The following EBF4 variants were observed in gnomAD, a reference collection of about 807,000 sequenced individuals.
The protein encoded by EBF4 is transcription factor COE4.
EBF4 carries 34 observed loss-of-function variants against 67.1 expected under a neutral mutation model. That is an observed-to-expected ratio of 0.51 (90% CI 0.39 to 0.67). The LOEUF (loss-of-function observed/expected upper bound fraction) is 0.67. EBF4 is among the 30% of genes least tolerant of loss of function. The pLI is 0.00. For missense variants in EBF4, 837 were observed against 873.3 expected (o/e 0.96, Z 0.52); for synonymous variants, 387 against 377.7 (o/e 1.02, Z -0.29).
rs1288667574 is a variant in EBF4 at position 2,745,478 on chromosome 20, G to A, written c.558-3071G>A. Among the ~76,000 whole-genome samples the A allele has an allele frequency of 6.6e-6, 1 of 152,214 alleles. No homozygotes were observed. Among genetic ancestry groups the A allele is most frequent in the Admixed American group, 6.5e-5 (1 of 15,286 alleles). On this transcript the variant is annotated intron_variant, in intron 6 of 16. Transcript: ENST00000609451. This position sits in a 1 kb window ranked among gnomAD's most constrained non-coding sequence, Gnocchi z 5.2. ...ACACTGAGGTGTCCCCATAGACAGA[G>A]GTGCTGGCAGGTCCCTAGGGCTCTC...
intron 6 of EBF4, among the ~76,000 whole-genome samples, chr20:2,748,131 G>A (rs1307050712): frequency 1.3e-5 from 2 of 152,092 alleles, no homozygotes; most frequent in East Asian, 3.9e-4. Context: ...AACATTACAT[G>A]GGGTATGTGT....
intron 6 of EBF4, among the ~76,000 whole-genome samples, chr20:2,724,775 A>C (rs1461729618): frequency 1.3e-5 from 2 of 152,150 alleles, no homozygotes; most frequent in East Asian, 1.9e-4. Flanking sequence ...GTTGTGGTGC[A>C]TGCCTGTAGT....
chr20:2,750,576 C>T (rs1246873784), intron 10 of EBF4, among the ~76,000 whole-genome samples: 1 of 152,144 alleles, frequency 6.6e-6, no homozygotes, highest in Non-Finnish European at 1.5e-5. Context: ...AGCTGAGCCA[C>T]CCACTTCTCC....
intron 6 of EBF4, among the ~76,000 whole-genome samples, chr20:2,715,544 T>C (rs576549792): frequency 6.6e-6 from 1 of 152,308 alleles, no homozygotes; most frequent in African/African-American, 2.4e-5. Flanking sequence ...TGATGTCAAC[T>C]GTTTTCCAAG....
intron 6 of EBF4, among the ~76,000 whole-genome samples, chr20:2,712,872 C>A (rs759592644): frequency 6.6e-6 from 1 of 152,080 alleles, no homozygotes; most frequent in Admixed American, 6.5e-5. Flanking sequence ...TCCAGTGCTG[C>A]TCATGGGTAT....
chr20:2,697,501 C>T (rs1040192488), intron 1 of EBF4, among the ~76,000 whole-genome samples: 2 of 150,086 alleles, frequency 1.3e-5, no homozygotes, highest in African/African-American at 4.9e-5. Flanking sequence ...GCCGAGATCG[C>T]GCCACTGCAC....
chr20:2,755,628 C>T lies in EBF4; in HGVS notation c.1542C>T (p.Ile514=). The T allele has an allele frequency of 8.8e-7, 1 of 1,132,042 alleles. No individual in the cohort carries two copies. Among genetic ancestry groups the T allele is most frequent in the Non-Finnish European group, 1.2e-6 (1 of 812,044 alleles). 70.1% of individuals were successfully genotyped at this position (1,132,042 alleles called of 1,614,324 possible). A position where few individuals can be genotyped will look rare whatever the true frequency, so the allele number is the denominator to read the frequency against. The change falls in exon 15 of 17, where the codon ATC becomes ATT. Residue 514 remains isoleucine, a splice_region_variant and synonymous_variant. Coordinates refer to ENST00000609451, the Ensembl canonical transcript of EBF4. The surrounding 1 kb of genome is among the most constrained non-coding windows in gnomAD (Gnocchi z 4.7). The stretch of plus-strand genomic sequence containing the variant: ...GCCCCTCCCCGCCCCGCCCCGGAGT[C>T]ATGCCCTCTAGCCCCCCGCTGGCGG...
chr20:2,719,159 G>A (rs1355621501), intron 6 of EBF4, among the ~76,000 whole-genome samples: 1 of 151,984 alleles, frequency 6.6e-6, no homozygotes, highest in African/African-American at 2.4e-5. Context: ...GTGGCATTAT[G>A]ATGGCTCACT....
At chr20:2,702,696 T>C (rs939188489) in intron 1 of EBF4, among the ~76,000 whole-genome samples, 2 of 152,202 alleles carry the variant, frequency 1.3e-5, no homozygotes, top group Non-Finnish European at 2.9e-5. Flanking sequence ...TTTAAAGTTA[T>C]ATGAAGAAAA....
chr20:2,709,174 G>A (rs1313906577), intron 5 of EBF4, among the ~76,000 whole-genome samples: 2 of 152,100 alleles, frequency 1.3e-5, no homozygotes, highest in African/African-American at 4.8e-5. Context: ...GTGACAGAAT[G>A]AGACTCTGTC....
At chr20:2,705,484 T>C (rs2087438947) in intron 1 of EBF4, 93 bp from the exon 2 acceptor site, 3 of 1,517,250 alleles carry the variant, frequency 2.0e-6, no homozygotes, top group Non-Finnish European at 2.7e-6. Context: ...CTTGGAGCCA[T>C]GTCCTGGCTA....
chr20:2,759,249 C>T lies in EBF4; in HGVS notation c.*6-19C>T. ...GCCTTCCTCCCCGACCTTCTTCTCTCCCTCTCTCGCCCCACCAGGTCTGCA... is the reference window on the plus strand; with the variant it reads ...GCCTTCCTCCCCGACCTTCTTCTCTTCCTCTCTCGCCCCACCAGGTCTGCA... On this transcript the variant is annotated intron_variant, in intron 16 of 16. Transcript: ENST00000609451. 1.9e-6 allele frequency: 1 copy of T among 520,374 alleles called. No homozygotes were observed. The highest frequency in any genetic ancestry group is 3.5e-6 in the Non-Finnish European group (1 of 288,094). The allele number at this position is 520,374 out of a possible 1,614,324, so 32.2% of individuals were successfully genotyped here.
At chr20:2,733,964 T>C (rs188523489) in intron 6 of EBF4, among the ~76,000 whole-genome samples, 3 of 152,328 alleles carry the variant, frequency 2.0e-5, no homozygotes, top group African/African-American at 7.2e-5. Context: ...TTATTGTTCT[T>C]TTCTACTTCA....
chr20:2,715,159 T>C (rs551134016), intron 6 of EBF4, among the ~76,000 whole-genome samples: 6 of 152,152 alleles, frequency 3.9e-5, no homozygotes. Context: ...CCAAGTTTTG[T>C]GTTTATCATG....
At position 2,696,499 on chromosome 20, in the gene EBF4, A is replaced by G. The variant is rs1264505377; in HGVS notation, c.137+2717A>G. Among the ~76,000 whole-genome samples the G allele has an allele frequency of 2.0e-5, 3 of 152,222 alleles. 1 individual carries two copies. In the East Asian group the frequency reaches 5.8e-4, roughly 29 times the overall value. ...AAATAAATAAGTAAATAAATAAAAT[A>G]AAATAAAATAAAGTGACCAACCCCC... On this transcript the variant is annotated intron_variant, in intron 1 of 16. Transcript: ENST00000609451. This position sits in a 1 kb window ranked among gnomAD's most constrained non-coding sequence, Gnocchi z 4.7.
intron 6 of EBF4, among the ~76,000 whole-genome samples, chr20:2,715,477 A>G (rs1369534754): frequency 6.6e-6 from 1 of 152,214 alleles, no homozygotes; most frequent in African/African-American, 2.4e-5. Context: ...TGTTTAGGAT[A>G]TAAACTAGGT....
intron 1 of EBF4, among the ~76,000 whole-genome samples, chr20:2,701,799 C>T (rs556101053): frequency 1.6e-4 from 25 of 152,226 alleles, no homozygotes; most frequent in Non-Finnish European, 2.8e-4. Flanking sequence ...GGGAGTGCTT[C>T]ACAAACCCAT....
chr20:2,719,962 T>C (rs2087658763), intron 6 of EBF4, among the ~76,000 whole-genome samples: 1 of 152,250 alleles, frequency 6.6e-6, no homozygotes, highest in Non-Finnish European at 1.5e-5. Context: ...CTATTTATTC[T>C]ACTATTGAAA....
intron 1 of EBF4, 133 bp from the exon 2 acceptor site, chr20:2,705,444 A>T: frequency 8.1e-7 from 1 of 1,237,156 alleles, no homozygotes. Context: ...GGGCCTGTCT[A>T]GTTGGATTTT....
Sources: allele counts gnomAD v4.1 joint callset (sites outside exome capture counted in the v4.1 genomes callset), GRCh38; gene constraint gnomAD v4.1.1; non-coding constraint Gnocchi (gnomAD v3.1); transcripts MANE v1.5; gene names NCBI Gene and HGNC (gene_info 2026-07-23, HGNC 2026-07-21).